Variants in COL20A1 observed in about 807,000 individuals in gnomAD.
COL20A1 encodes collagen alpha-1(XX) chain.
A neutral mutation model predicts 152.9 loss-of-function variants in COL20A1; 164 were observed. The observed-to-expected ratio is 1.07, with a 90% CI of 0.94 to 1.22. The LOEUF (loss-of-function observed/expected upper bound fraction) is 1.22, where lower values mean the gene tolerates loss of function less well. Among genes scored for constraint, COL20A1 ranks in the 50% most tolerant of loss-of-function variants. COL20A1 has a pLI of 0.00. For synonymous variants in COL20A1, 864 were observed against 756.0 expected, an observed-to-expected ratio of 1.14 and a Z score of -2.34; for missense variants, 1,873 against 1,744.8, an observed-to-expected ratio of 1.07 and a Z score of -1.31.
intron 27 of COL20A1, chr20:63,324,674 T>C (rs2068217925): frequency 6.5e-6 from 1 of 152,696 alleles, no homozygotes; most frequent in Non-Finnish European, 1.5e-5. Context: ...ATCCATGCCA[T>C]GTGCTGCAGA....
chr20:63,306,065 G>A lies in COL20A1; in HGVS notation c.496+26G>A, dbSNP rs369308355. ...GTGGGTCAGAGTGGAGAGAGAGTAAGTCTCCGGGGAGGGAGTGACCTTTGG... is the reference window on the plus strand; with the variant it reads ...GTGGGTCAGAGTGGAGAGAGAGTAAATCTCCGGGGAGGGAGTGACCTTTGG... On this transcript the variant is annotated intron_variant, in intron 5 of 35. Transcript: ENST00000358894. The surrounding 1 kb of genome is among the most constrained non-coding windows in gnomAD (Gnocchi z 6.9). The A allele has an allele frequency of 2.0e-4, 316 of 1,562,278 alleles. No homozygotes were observed. Among genetic ancestry groups the A allele is most frequent in the Middle Eastern group, 5.1e-4 (3 of 5,842 alleles).
chr20:63,318,549 G>A lies in COL20A1; in HGVS notation c.2664-509G>A, dbSNP rs77336300. Among the ~76,000 whole-genome samples the A allele has an allele frequency of 6.0e-3, 906 of 152,030 alleles. 5 individuals carry two copies. The highest frequency in any genetic ancestry group is 0.027 in the Middle Eastern group (8 of 294). On this transcript the variant is annotated intron_variant, in intron 21 of 35. Coordinates refer to ENST00000358894, the MANE Select transcript of COL20A1 (RefSeq NM_020882.4). The stretch of plus-strand genomic sequence containing the variant: ...TGGGCGGTGCCAATGAGTGTGAGTC[G>A]GGGGAGCTGCTCCCGAGAGCAGAGC...
At chr20:63,318,955 C>T (rs2068119621) in intron 21 of COL20A1, 103 bp from the exon 22 acceptor site, 3 of 898,124 alleles carry the variant, frequency 3.3e-6, no homozygotes, top group Non-Finnish European at 5.4e-6. Flanking sequence ...AGAGCAGCCT[C>T]AGGGACTGGC....
Position 63,321,030 on chromosome 20 carries a change from C to T in COL20A1, c.3171C>T (p.Cys1057=), listed in dbSNP as rs1291674506. The change falls in exon 26 of 36, where the codon TGC becomes TGT. Residue 1057 remains cysteine, a synonymous_variant. Coordinates refer to ENST00000358894, the MANE Select transcript of COL20A1 (RefSeq NM_020882.4). ...ELPASRDGET[C]PAFVSACSCS... ...TCTTCCAGAGGGATGGAGAGACCTG[C>T]CCCGCCTTCGTGTCTGCCTGTTCCT... The T allele has an allele frequency of 6.3e-7, 1 of 1,588,350 alleles. No homozygotes were observed. Among genetic ancestry groups the T allele is most frequent in the Admixed American group, 1.8e-5 (1 of 56,860 alleles).
chr20:63,301,727 C>G (rs1212513096), intron 3 of COL20A1, among the ~76,000 whole-genome samples: 1 of 152,136 alleles, frequency 6.6e-6, no homozygotes, highest in Non-Finnish European at 1.5e-5. Flanking sequence ...TATTGCTTCA[C>G]CAGGTAGTGT....
At position 63,311,022 on chromosome 20, in the gene COL20A1, CGCCCCCCCA is replaced by C. The variant is rs142536812; in HGVS notation, c.1394-368_1394-360del. ...GAGGAACCCTGCACCCCTAAGCACCCGCCCCCCCAGCCACCCCAAGCCACCTTCTGTCTC... is the reference window on the plus strand; with the variant it reads ...GAGGAACCCTGCACCCCTAAGCACCCGCCACCCCAAGCCACCTTCTGTCTC... On this transcript the variant is annotated intron_variant, in intron 11 of 35. Coordinates refer to ENST00000358894, the MANE Select transcript of COL20A1 (RefSeq NM_020882.4). This position sits in a 1 kb window ranked among gnomAD's most constrained non-coding sequence, Gnocchi z 4.4. Among the ~76,000 whole-genome samples, 1,083 of 152,168 alleles carry C rather than the reference CGCCCCCCCA, an allele frequency of 7.1e-3. 19 individuals carry two copies. The highest frequency in any genetic ancestry group is 0.024 in the African/African-American group (1,009 of 41,496).
Position 63,316,566 on chromosome 20 carries a change from G to C in COL20A1, c.2538G>C (p.Met846Ile), listed in dbSNP as rs2068086980. 2 of 1,591,204 alleles carry C rather than the reference G, an allele frequency of 1.3e-6. No homozygotes were observed. Among genetic ancestry groups the C allele is most frequent in the Non-Finnish European group, 8.6e-7 (1 of 1,169,156 alleles). The change falls in exon 21 of 36, where the codon ATG (methionine) becomes ATC (isoleucine). Residue 846 changes from methionine (M) to isoleucine (I), a missense_variant. Physicochemically the swap from Met to Ile is conservative, Grantham distance 10. Coordinates refer to ENST00000358894, the MANE Select transcript of COL20A1 (RefSeq NM_020882.4). Reference protein sequence around the residue: ...PDGSLPGFDLMVAFSLVEKAY... With the variant: ...PDGSLPGFDLIVAFSLVEKAY... ...CATCTTCCCCAGGGTTTGACCTGAT[G>C]GTGGCCTTCAGCCTGGTGGAAAAGG... is the stretch of plus-strand genomic sequence containing the variant.
intron 20 of COL20A1, 67 bp downstream of exon 20, chr20:63,315,506 G>A: frequency 2.8e-6 from 4 of 1,416,146 alleles, no homozygotes; most frequent in South Asian, 2.6e-5. Context: ...GGGCGTGGGG[G>A]CCAAGGGTGT....
chr20:63,330,178 G>A (rs2068313837), intron 35 of COL20A1, among the ~76,000 whole-genome samples: 1 of 152,112 alleles, frequency 6.6e-6, no homozygotes, highest in Non-Finnish European at 1.5e-5. Flanking sequence ...TGGGCAGGCG[G>A]ACCCTGTGTG....
chr20:63,324,957 G>A (rs1240122766), intron 27 of COL20A1: 3 of 256,356 alleles, frequency 1.2e-5, no homozygotes, highest in Admixed American at 5.2e-5. Context: ...TTTCTGCAGC[G>A]CCCCCCACAC....
chr20:63,311,785 G>C lies in COL20A1; in HGVS notation c.1663+37G>C. ...AACCCCGGCTGCCTGCCCACAGGCGGGTGCCCCATCTTGTTCCTCAGCCTT... is the reference window on the plus strand; with the variant it reads ...AACCCCGGCTGCCTGCCCACAGGCGCGTGCCCCATCTTGTTCCTCAGCCTT... On this transcript the variant is annotated intron_variant, in intron 13 of 35. Transcript: ENST00000358894. The surrounding 1 kb of genome is among the most constrained non-coding windows in gnomAD (Gnocchi z 4.4). The C allele has an allele frequency of 1.3e-6, 2 of 1,561,772 alleles. No homozygotes were observed. The highest frequency in any genetic ancestry group is 1.8e-5 in the Admixed American group (1 of 54,670).
Position 63,312,071 on chromosome 20 carries a change from T to G in COL20A1, c.1803+16T>G, listed in dbSNP as rs1601420389. The G allele has an allele frequency of 6.5e-7, 1 of 1,539,018 alleles. No individual in the cohort carries two copies. Among genetic ancestry groups the G allele is most frequent in the East Asian group, 2.3e-5 (1 of 43,902 alleles). ...CTCGGGGCAGGTGAGAGCAGAGCCC[T>G]CCGGGGGCCCGAGTGTCTTGAGGGA... On this transcript the variant is annotated intron_variant, in intron 14 of 35. Transcript: ENST00000358894.
At position 63,295,198 on chromosome 20, in the gene COL20A1, A is replaced by T; in HGVS notation, c.82+9A>T. The T allele has an allele frequency of 6.5e-7, 1 of 1,544,320 alleles. No individual in the cohort carries two copies. Among genetic ancestry groups the T allele is most frequent in the Non-Finnish European group, 8.8e-7 (1 of 1,141,280 alleles). Reference sequence around the variant, plus strand: ...AAGAGAGCAAGTTCAAGGTAAGGACACTGGCAGTGGGCCCCTGCTTGCCCC... The same window carrying T: ...AAGAGAGCAAGTTCAAGGTAAGGACTCTGGCAGTGGGCCCCTGCTTGCCCC... On this transcript the variant is annotated intron_variant, in intron 2 of 35. Transcript: ENST00000358894.
chr20:63,318,949 C>T lies in COL20A1; in HGVS notation c.2664-109C>T, dbSNP rs1008335048. 8.3e-6 allele frequency: 7 copies of T among 841,748 alleles called. No individual in the cohort carries two copies. The African/African-American group carries it at 1.2e-4, about 14-fold the overall frequency. The allele number at this position is 841,748 out of a possible 1,614,324, so 52.1% of individuals were successfully genotyped here. On this transcript the variant is annotated intron_variant, in intron 21 of 35. Coordinates refer to ENST00000358894, the MANE Select transcript of COL20A1 (RefSeq NM_020882.4). ...CAGGGGTCCACCATGACCCTCAGAG[C>T]AGCCTCAGGGACTGGCACTGGGGCT...
At position 63,315,581 on chromosome 20, in the gene COL20A1, C is replaced by T. The variant is rs537666585; in HGVS notation, c.2524+142C>T. 1.8e-4 allele frequency: 130 copies of T among 733,576 alleles called. 2 individuals are homozygous for T. In the South Asian group the frequency reaches 2.3e-3, roughly 13 times the overall value. 45.4% of individuals were successfully genotyped at this position (733,576 alleles called of 1,614,324 possible). A position where few individuals can be genotyped will look rare whatever the true frequency, so the allele number is the denominator to read the frequency against. ...TTGGGCGGGTTTGTGCCTCCACAGA[C>T]GTCCCTGTGGCTGGCTGGGCGGTGG... On this transcript the variant is annotated intron_variant, in intron 20 of 35. Transcript: ENST00000358894.
chr20:63,305,605 G>A lies in COL20A1; in HGVS notation c.337+45G>A, dbSNP rs1490067692. 1 of 1,541,482 alleles carries A rather than the reference G, an allele frequency of 6.5e-7. No homozygotes were observed. The highest frequency in any genetic ancestry group is 8.7e-7 in the Non-Finnish European group (1 of 1,146,184). ...GCTGGGTACCCACTCCTCCAGGCCG[G>A]GTCCCACCCTCCTCTGGGCTGGGGT... On this transcript the variant is annotated intron_variant, in intron 4 of 35. Transcript: ENST00000358894. This position sits in a 1 kb window ranked among gnomAD's most constrained non-coding sequence, Gnocchi z 4.9.
At chr20:63,330,137 C>T (rs2068313080) in intron 35 of COL20A1, among the ~76,000 whole-genome samples, 1 of 152,164 alleles carries the variant, frequency 6.6e-6, no homozygotes, top group African/African-American at 2.4e-5. Flanking sequence ...CATAGTAGCA[C>T]CAGGTAACCT....
intron 31 of COL20A1, chr20:63,327,714 A>C (rs2068272438): frequency 8.6e-6 from 5 of 578,092 alleles, no homozygotes; most frequent in Non-Finnish European, 1.2e-5. Context: ...CCTTTGTGGC[A>C]CAAGTTCCAG....
rs1423918239 is a variant in COL20A1, at chr20:63,311,088, G to A, written c.1394-306G>A. ...TGCCTGTCCCAGACGTTTCCTGCAG[G>A]TGGAATCACACAGTGCAGACTTTTG... On this transcript the variant is annotated intron_variant, in intron 11 of 35. Transcript: ENST00000358894. The surrounding 1 kb of genome is among the most constrained non-coding windows in gnomAD (Gnocchi z 4.4). 6.6e-6 allele frequency among the ~76,000 whole-genome samples: 1 copy of A among 151,936 alleles called. No individual in the cohort carries two copies. The highest frequency in any genetic ancestry group is 2.4e-5 in the African/African-American group (1 of 41,330).
Sources: gnomAD v4.1 joint callset for allele counts (sites outside exome capture counted in the v4.1 genomes callset) on GRCh38, gnomAD v4.1.1 for gene constraint, Gnocchi (gnomAD v3.1) non-coding constraint, MANE v1.5 for transcripts, NCBI Gene and HGNC (gene_info 2026-07-23, HGNC 2026-07-21) for gene names.